CAMK4: variants seen among roughly 807,000 people sequenced by gnomAD.
CAMK4 encodes calcium/calmodulin dependent protein kinase IV.
CAMK4 carries 22 observed loss-of-function variants against 44.9 expected under a neutral mutation model. The observed-to-expected ratio is 0.49, with a 90% CI of 0.35 to 0.70. The LOEUF (loss-of-function observed/expected upper bound fraction) is 0.70. Among genes scored for constraint, CAMK4 ranks in the 30% least tolerant of loss-of-function variants. CAMK4 has a pLI of 0.01. For synonymous variants in CAMK4, 218 were observed against 215.4 expected (o/e 1.01, Z -0.11); for missense variants, 498 against 586.8 (o/e 0.85, Z 1.56).
intron 5 of CAMK4, among the ~76,000 whole-genome samples, chr5:111,428,069 G>C (rs766300048): frequency 6.6e-6 from 1 of 152,254 alleles, no homozygotes; most frequent in African/African-American, 2.4e-5. Context: ...GAAAGTAAGG[G>C]AAGGGAACAA....
At chr5:111,443,764 T>A (rs748837186) in intron 5 of CAMK4, among the ~76,000 whole-genome samples, 2 of 152,180 alleles carry the variant, frequency 1.3e-5, no homozygotes, top group Non-Finnish European at 2.9e-5. Context: ...ACTGTGTTCC[T>A]ATGTTTAGCG....
intron 1 of CAMK4, among the ~76,000 whole-genome samples, chr5:111,231,644 T>C (rs1346336327): frequency 6.6e-6 from 1 of 152,232 alleles, no homozygotes; most frequent in Non-Finnish European, 1.5e-5. Context: ...TTCTATGTAT[T>C]ACCATAAGAT....
intron 5 of CAMK4, among the ~76,000 whole-genome samples, chr5:111,415,166 A>G (rs1752772328): frequency 1.3e-5 from 2 of 152,202 alleles, no homozygotes; most frequent in South Asian, 4.1e-4. Flanking sequence ...GAAATAAACG[A>G]TTCATAAGTT....
At chr5:111,407,982 G>A (rs160099) in intron 5 of CAMK4, among the ~76,000 whole-genome samples, 81,642 of 151,776 alleles carry the variant, frequency 0.54, 22,692 homozygotes, top group African/African-American at 0.69. Flanking sequence ...AAAATTAGCC[G>A]GGCATGGTCC....
At chr5:111,318,127 G>T (rs1011496974) in intron 1 of CAMK4, among the ~76,000 whole-genome samples, 3 of 152,088 alleles carry the variant, frequency 2.0e-5, no homozygotes, top group African/African-American at 7.2e-5. Context: ...GTTTGTGGAA[G>T]TGTATTACAT....
chr5:111,265,458 G>A (rs1481561820), intron 1 of CAMK4, among the ~76,000 whole-genome samples: 2 of 152,034 alleles, frequency 1.3e-5, no homozygotes, highest in Non-Finnish European at 2.9e-5. Flanking sequence ...GCATATTCGC[G>A]GGTAGTCGGA....
chr5:111,369,113 T>G (rs1336110875), intron 2 of CAMK4, among the ~76,000 whole-genome samples: 3 of 151,542 alleles, frequency 2.0e-5, no homozygotes, highest in African/African-American at 7.3e-5. Context: ...TTGCCCAGGC[T>G]GGAGTGCAGT....
chr5:111,281,596 C>G (rs1751020308), intron 1 of CAMK4, among the ~76,000 whole-genome samples: 1 of 152,002 alleles, frequency 6.6e-6, no homozygotes, highest in Non-Finnish European at 1.5e-5. Flanking sequence ...TTTTTGGCCT[C>G]TCTGGGTTAT....
chr5:111,472,138 A>G (rs1401174322), intron 7 of CAMK4, among the ~76,000 whole-genome samples: 1 of 151,836 alleles, frequency 6.6e-6, no homozygotes, highest in East Asian at 1.9e-4. Context: ...CAGGTGATCC[A>G]CCTGCCTCGA....
chr5:111,422,799 T>C (rs770904190), intron 5 of CAMK4, among the ~76,000 whole-genome samples: 1 of 152,238 alleles, frequency 6.6e-6, no homozygotes, highest in Non-Finnish European at 1.5e-5. Context: ...TAGAAATTAA[T>C]CATTTCAACA....
intron 1 of CAMK4, among the ~76,000 whole-genome samples, chr5:111,274,568 G>A (rs964129052): frequency 1.3e-5 from 2 of 152,072 alleles, no homozygotes; most frequent in Non-Finnish European, 2.9e-5. Flanking sequence ...ATGTCTACAT[G>A]CATACATATA....
chr5:111,286,459 G>A (rs1345830269), intron 1 of CAMK4, among the ~76,000 whole-genome samples: 1 of 152,166 alleles, frequency 6.6e-6, no homozygotes, highest in Non-Finnish European at 1.5e-5. Context: ...GTGATTGTAA[G>A]TTATGTAACA....
At chr5:111,257,229 A>G (rs968312847) in intron 1 of CAMK4, among the ~76,000 whole-genome samples, 1 of 152,264 alleles carries the variant, frequency 6.6e-6, no homozygotes, top group African/African-American at 2.4e-5. Flanking sequence ...ACAGAATGGA[A>G]GAAAATTTTT....
chr5:111,358,328 T>C (rs1750452412), intron 2 of CAMK4, among the ~76,000 whole-genome samples: 1 of 152,106 alleles, frequency 6.6e-6, no homozygotes, highest in East Asian at 1.9e-4. Flanking sequence ...TAACTCTTTG[T>C]CTTAGTGGTA....
chr5:111,323,146 C>A (rs1396946310), intron 1 of CAMK4, among the ~76,000 whole-genome samples: 1 of 151,998 alleles, frequency 6.6e-6, no homozygotes, highest in African/African-American at 2.4e-5. Context: ...ATTCAAGAGG[C>A]TTACTGAACA....
Position 111,482,664 on chromosome 5 carries a change from T to C in CAMK4, c.829-121T>C. The C allele has an allele frequency of 1.3e-6, 1 of 770,778 alleles. No homozygotes were observed. The highest frequency in any genetic ancestry group is 2.8e-5 in the Admixed American group (1 of 35,676). 47.7% of individuals were successfully genotyped at this position (770,778 alleles called of 1,614,324 possible). A position where few individuals can be genotyped will look rare whatever the true frequency, so the allele number is the denominator to read the frequency against. ...GCCCCTGAGGACTTAAACAATTTTT[T>C]TCTCACATATATTTAGTGGTACTGC... On this transcript the variant is annotated intron_variant, in intron 9 of 10. Coordinates refer to ENST00000282356, the MANE Select transcript of CAMK4 (RefSeq NM_001744.6). This position sits in a 1 kb window ranked among gnomAD's most constrained non-coding sequence, Gnocchi z 4.9.
intron 1 of CAMK4, among the ~76,000 whole-genome samples, chr5:111,249,658 G>A (rs201555158): frequency 0.047 from 4,561 of 97,566 alleles, 255 homozygotes; most frequent in African/African-American, 0.14. Context: ...GTGTGTGTGT[G>A]TATATATATG....
intron 4 of CAMK4, among the ~76,000 whole-genome samples, chr5:111,385,766 G>T (rs140436186): frequency 2.2e-3 from 329 of 152,214 alleles, no homozygotes; most frequent in African/African-American, 7.6e-3. Context: ...TAGTAGAGAT[G>T]GGGTTTCACT....
At chr5:111,276,188 C>G (rs532430667) in intron 1 of CAMK4, among the ~76,000 whole-genome samples, 2 of 152,084 alleles carry the variant, frequency 1.3e-5, no homozygotes, top group South Asian at 2.1e-4. Flanking sequence ...GTTTTGTGAA[C>G]TACTATTATT....
Sources: gnomAD v4.1 joint callset for allele counts (sites outside exome capture counted in the v4.1 genomes callset) on GRCh38, gnomAD v4.1.1 for gene constraint, Gnocchi (gnomAD v3.1) non-coding constraint, MANE v1.5 for transcripts, NCBI Gene and HGNC (gene_info 2026-07-23, HGNC 2026-07-21) for gene names.